DLGAP1: variants seen among roughly 807,000 people sequenced by gnomAD.
DLGAP1 encodes disks large-associated protein 1.
In DLGAP1, 11 loss-of-function variants were observed where a neutral mutation model predicts 90.8. The ratio of observed to expected loss-of-function variants is 0.12; its 90% CI spans 0.08 to 0.20. The LOEUF is 0.20. Ranked by LOEUF, DLGAP1 falls within the 10% of genes least tolerant of loss-of-function variation. The probability of loss-of-function intolerance (pLI) is 1.00; values close to 1 mark genes in which losing one functional copy is unlikely to be tolerated. For synonymous variants in DLGAP1, 558 were observed against 540.7 expected (o/e 1.03, Z -0.44); for missense variants, 1,050 against 1,333.8 (o/e 0.79, Z 3.31).
intron 1 of DLGAP1, among the ~76,000 whole-genome samples, chr18:4,423,243 T>TA (rs1222886695): frequency 1.1e-4 from 17 of 152,178 alleles, no homozygotes; most frequent in Admixed American, 9.2e-4. Flanking sequence ...AATGTCCTGT[T>TA]AGAGTTTTAT....
intron 2 of DLGAP1, among the ~76,000 whole-genome samples, chr18:4,092,609 A>G (rs1268606408): frequency 6.6e-6 from 1 of 152,094 alleles, no homozygotes; most frequent in African/African-American, 2.4e-5. Context: ...AAAATGGGTC[A>G]TACTTGTGCC....
intron 9 of DLGAP1, among the ~76,000 whole-genome samples, chr18:3,549,155 A>AG (rs2053231534): frequency 6.6e-6 from 1 of 152,238 alleles, no homozygotes; most frequent in Non-Finnish European, 1.5e-5. Context: ...GTTATGAAAA[A>AG]TAGAAATGCC....
chr18:3,659,394 T>TATATACACACACACACACACAC (rs1555618610), intron 7 of DLGAP1, among the ~76,000 whole-genome samples: 1 of 102,126 alleles, frequency 9.8e-6, no homozygotes, highest in South Asian at 3.8e-4. Flanking sequence ...CATACATTTA[T>TATATACACACACACACACACAC]ACACACACAC....
intron 7 of DLGAP1, among the ~76,000 whole-genome samples, chr18:3,715,427 G>C (rs2061729853): frequency 6.6e-6 from 1 of 152,220 alleles, no homozygotes; most frequent in Non-Finnish European, 1.5e-5. Context: ...GTGTACAGGT[G>C]TACGAGAAAG....
At chr18:4,035,815 C>T (rs1468999811) in intron 2 of DLGAP1, among the ~76,000 whole-genome samples, 1 of 152,172 alleles carries the variant, frequency 6.6e-6, no homozygotes, top group Non-Finnish European at 1.5e-5. Context: ...CAATCTCAGT[C>T]CACTGGCTAA....
chr18:4,443,071 A>T (rs1373641301), intron 1 of DLGAP1, among the ~76,000 whole-genome samples: 4 of 152,240 alleles, frequency 2.6e-5, no homozygotes, highest in Non-Finnish European at 5.9e-5. Context: ...AAATTTGTCA[A>T]AAACTGCCAA....
At chr18:4,269,344 A>G (rs2145336424) in intron 1 of DLGAP1, among the ~76,000 whole-genome samples, 1 of 133,584 alleles carries the variant, frequency 7.5e-6, no homozygotes, top group South Asian at 2.3e-4. Flanking sequence ...ATATATATAT[A>G]TATATATATA....
In DLGAP1 at chr18:3,879,044, C is replaced by T; in HGVS notation, c.957+68G>A. The T allele has an allele frequency of 7.6e-7, 1 of 1,317,900 alleles. No homozygotes were observed. The highest frequency in any genetic ancestry group is 1.0e-6 in the Non-Finnish European group (1 of 988,466). The allele number at this position is 1,317,900 out of a possible 1,614,324, so 81.6% of individuals were successfully genotyped here. On this transcript the variant is annotated intron_variant, in intron 4 of 12. Transcript: ENST00000315677. The surrounding 1 kb of genome is among the most constrained non-coding windows in gnomAD (Gnocchi z 6.6). ...TTCAGAGTAGTGCCAAGACTAGAAC[C>T]AGGAGAAATGCCCACACAAGCATGC...
At chr18:4,349,531 T>C (rs1598961686) in intron 1 of DLGAP1, among the ~76,000 whole-genome samples, 1 of 151,136 alleles carries the variant, frequency 6.6e-6, no homozygotes, top group African/African-American at 2.4e-5. Context: ...AGTCAAAGGG[T>C]AAAGGTAAAA....
chr18:4,355,665 G>T (rs909881584), intron 1 of DLGAP1, among the ~76,000 whole-genome samples: 1 of 149,520 alleles, frequency 6.7e-6, no homozygotes, highest in East Asian at 2.0e-4. Context: ...CCATTTCCTG[G>T]TTGTGATATT....
At chr18:4,122,600 T>C (rs73386707) in intron 2 of DLGAP1, among the ~76,000 whole-genome samples, 8,783 of 152,278 alleles carry the variant, frequency 0.058, 847 homozygotes, top group African/African-American at 0.2. Context: ...TACTAAATTC[T>C]AGGACCTGAG....
intron 1 of DLGAP1, among the ~76,000 whole-genome samples, chr18:4,242,364 G>A (rs557317664): frequency 2.6e-5 from 4 of 151,958 alleles, no homozygotes; most frequent in East Asian, 1.9e-4. Flanking sequence ...ATCAGCTCTC[G>A]CAGCTGACTG....
intron 3 of DLGAP1, among the ~76,000 whole-genome samples, chr18:3,994,301 G>A (rs907847761): frequency 1.3e-5 from 2 of 152,168 alleles, no homozygotes; most frequent in Non-Finnish European, 2.9e-5. Context: ...GTGCCCATAG[G>A]CTTGGGGACC....
In DLGAP1 at chr18:3,600,899, T is replaced by G. The variant is rs1419054291; in HGVS notation, c.1592-18651A>C. Among the ~76,000 whole-genome samples the G allele has an allele frequency of 1.7e-4, 22 of 131,124 alleles. 3 individuals carry two copies. The highest frequency in any genetic ancestry group is 4.8e-4 in the African/African-American group (17 of 35,584). The allele number at this position is 131,124 out of a possible 152,430, so 86.0% of individuals were successfully genotyped here. ...ATATATAGATAGATATATAGATATA[T>G]ATAGATATATAGATAGATATAGATA... On this transcript the variant is annotated intron_variant, in intron 7 of 12. Transcript: ENST00000315677.
intron 7 of DLGAP1, among the ~76,000 whole-genome samples, chr18:3,643,768 G>C (rs191330914): frequency 6.6e-6 from 1 of 151,358 alleles, no homozygotes; most frequent in Admixed American, 6.6e-5. Context: ...CATAATAAGA[G>C]TATTACAAAT....
At chr18:3,830,694 C>T (rs1354448457) in intron 4 of DLGAP1, among the ~76,000 whole-genome samples, 1 of 152,186 alleles carries the variant, frequency 6.6e-6, no homozygotes. Flanking sequence ...TTAAAAAAAT[C>T]AAGATTTACT....
At chr18:3,756,618 T>C (rs1488836915) in intron 5 of DLGAP1, among the ~76,000 whole-genome samples, 1 of 151,986 alleles carries the variant, frequency 6.6e-6, no homozygotes. Flanking sequence ...TAATAGCTAT[T>C]ATAGTGGAAA....
chr18:4,219,682 A>C (rs2078036335), intron 1 of DLGAP1, among the ~76,000 whole-genome samples: 1 of 152,006 alleles, frequency 6.6e-6, no homozygotes, highest in Non-Finnish European at 1.5e-5. Flanking sequence ...GCATCTAATT[A>C]TAATCTTCTG....
intron 1 of DLGAP1, among the ~76,000 whole-genome samples, chr18:4,379,073 TAACA>T (rs1451402597): frequency 6.6e-6 from 1 of 152,114 alleles, no homozygotes; most frequent in Non-Finnish European, 1.5e-5. Flanking sequence ...ATAATTTAAC[TAACA>T]GAGTCAAGAC....
Sources: gnomAD v4.1 joint callset for allele counts (sites outside exome capture counted in the v4.1 genomes callset) on GRCh38, gnomAD v4.1.1 for gene constraint, Gnocchi (gnomAD v3.1) non-coding constraint, MANE v1.5 for transcripts, NCBI Gene and HGNC (gene_info 2026-07-23, HGNC 2026-07-21) for gene names.